Variants in GPHN observed in about 807,000 individuals in gnomAD.
GPHN encodes gephyrin.
Under a neutral mutation model 95.5 loss-of-function variants are expected in GPHN, and 17 were observed. The observed-to-expected ratio is 0.18, with a 90% CI of 0.12 to 0.27. The LOEUF (loss-of-function observed/expected upper bound fraction) is 0.27, where lower values mean the gene tolerates loss of function less well. Ranked by LOEUF, GPHN falls within the 10% of genes least tolerant of loss-of-function variation. The pLI is 1.00. For missense variants in GPHN, 660 were observed against 978.1 expected (o/e 0.67, Z 4.34); for synonymous variants, 320 against 322.5 (o/e 0.99, Z 0.08).
At chr14:66,971,310 G>A (rs1021686623) in intron 9 of GPHN, among the ~76,000 whole-genome samples, 2 of 152,068 alleles carry the variant, frequency 1.3e-5, no homozygotes, top group African/African-American at 2.4e-5. Flanking sequence ...CCTGGGCAAC[G>A]AGAACGAAAC....
chr14:67,450,929 G>C, the GPHN span, among the ~76,000 whole-genome samples: 2 of 152,200 alleles, frequency 1.3e-5, no homozygotes, highest in African/African-American at 4.8e-5. Context: ...CAGGCCCAGA[G>C]GCCTAGGAGG....
chr14:67,215,515 A>C, the GPHN span, among the ~76,000 whole-genome samples: 3 of 150,796 alleles, frequency 2.0e-5, no homozygotes, highest in Non-Finnish European at 4.5e-5. Flanking sequence ...AGATTAAAAA[A>C]CAACAACAAC....
chr14:66,978,932 A>T (rs1201091588), intron 9 of GPHN, among the ~76,000 whole-genome samples: 1 of 152,206 alleles, frequency 6.6e-6, no homozygotes, highest in Non-Finnish European at 1.5e-5. Flanking sequence ...GCATGAAAAC[A>T]TTATCTCCTT....
chr14:67,056,323 A>G (rs1296684908), intron 10 of GPHN, among the ~76,000 whole-genome samples: 2 of 152,066 alleles, frequency 1.3e-5, no homozygotes, highest in African/African-American at 2.4e-5. Context: ...TCCCCACTAG[A>G]TTAGCTAGAC....
At chr14:66,727,899 A>T (rs182991006) in intron 2 of GPHN, among the ~76,000 whole-genome samples, 8 of 152,322 alleles carry the variant, frequency 5.3e-5, no homozygotes, top group African/African-American at 1.9e-4. Context: ...CAATGGGGAA[A>T]ATGTCACCAG....
chr14:67,257,107 G>A, the GPHN span, among the ~76,000 whole-genome samples: 2 of 152,250 alleles, frequency 1.3e-5, no homozygotes, highest in African/African-American at 4.8e-5. Context: ...GGGGCTTTCA[G>A]TTGATAAGAG....
chr14:66,588,160 A>G (rs949099808), intron 1 of GPHN, among the ~76,000 whole-genome samples: 1 of 152,176 alleles, frequency 6.6e-6, no homozygotes, highest in Non-Finnish European at 1.5e-5. Flanking sequence ...GACTGTTAGA[A>G]GGAAAACTAA....
At chr14:67,258,868 GTCTC>G in the GPHN span, among the ~76,000 whole-genome samples, 1 of 151,958 alleles carries the variant, frequency 6.6e-6, no homozygotes, top group Non-Finnish European at 1.5e-5. Context: ...TTGAGATGGA[GTCTC>G]TCTCTGTTTC....
intron 19 of GPHN, among the ~76,000 whole-genome samples, chr14:67,161,589 C>T (rs1031429970): frequency 1.3e-5 from 2 of 151,870 alleles, no homozygotes; most frequent in Non-Finnish European, 2.9e-5. Flanking sequence ...GGCAAAACCC[C>T]GTCTCTACAA....
At chr14:66,846,656 A>G (rs1209119266) in intron 4 of GPHN, among the ~76,000 whole-genome samples, 3 of 152,184 alleles carry the variant, frequency 2.0e-5, no homozygotes, top group Non-Finnish European at 4.4e-5. Flanking sequence ...AGTAACTTAA[A>G]TGTCGATAGG....
chr14:66,784,523 C>A lies in GPHN; in HGVS notation c.201+8002C>A, dbSNP rs148013443. Among the ~76,000 whole-genome samples the A allele has an allele frequency of 5.5e-3, 843 of 152,140 alleles. 8 individuals carry two copies. Among genetic ancestry groups the A allele is most frequent in the Non-Finnish European group, 0.01 (684 of 67,980 alleles). On this transcript the variant is annotated intron_variant, in intron 3 of 22. Transcript: ENST00000478722. ...TGTATTTTCTTATAATTTTTAAAAT[C>A]ACAGTTATACTGTATAATATGGTAT...
At chr14:67,315,158 A>G in the GPHN span, among the ~76,000 whole-genome samples, 1 of 152,076 alleles carries the variant, frequency 6.6e-6, no homozygotes, top group Non-Finnish European at 1.5e-5. Flanking sequence ...TATAGTTCAT[A>G]CTACAAAAAG....
chr14:66,880,156 A>T, intron 5 of GPHN, 123 bp downstream of exon 5: 1 of 709,458 alleles, frequency 1.4e-6, no homozygotes, highest in Admixed American at 2.1e-5. Flanking sequence ...TAAAGTTCTT[A>T]GCTTATACTA....
intron 7 of GPHN, 128 bp from the exon 8 acceptor site, chr14:66,924,066 A>C: frequency 1.5e-6 from 1 of 689,484 alleles, no homozygotes. Context: ...CTGTCATTCT[A>C]CATTTGGAAA....
At chr14:67,630,926 C>G in the GPHN span, among the ~76,000 whole-genome samples, 1 of 152,126 alleles carries the variant, frequency 6.6e-6, no homozygotes, top group Non-Finnish European at 1.5e-5. Context: ...GGTTAATGCT[C>G]CCAGCTAAAA....
chr14:67,136,395 T>C (rs552045642), intron 17 of GPHN, among the ~76,000 whole-genome samples: 1 of 152,336 alleles, frequency 6.6e-6, no homozygotes, highest in East Asian at 1.9e-4. Flanking sequence ...CTGTGCTTCC[T>C]GGACGGTTTT....
chr14:67,459,120 C>T, the GPHN span, among the ~76,000 whole-genome samples: 1 of 152,040 alleles, frequency 6.6e-6, no homozygotes, highest in African/African-American at 2.4e-5. Flanking sequence ...GAACTCCTGA[C>T]CCCATGATTC....
rs138676649 is a variant in GPHN at position 66,997,327 on chromosome 14, A to G, written c.964-26306A>G. Among the ~76,000 whole-genome samples the G allele has an allele frequency of 3.2e-3, 487 of 150,840 alleles. 1 individual carries two copies. Among genetic ancestry groups the G allele is most frequent in the African/African-American group, 0.011 (460 of 41,040 alleles). ...GGTTGCAGTGAGCCAAGATCGTGCA[A>G]TTGCACTCTAGCCTGGGCGATAGAG... On this transcript the variant is annotated intron_variant, in intron 9 of 22. Coordinates refer to ENST00000478722, the MANE Select transcript of GPHN (RefSeq NM_020806.5).
At chr14:67,653,463 C>T in the GPHN span, 1 of 1,614,032 alleles carries the variant, frequency 6.2e-7, no homozygotes, top group Non-Finnish European at 8.5e-7. Flanking sequence ...GGAGAATCTT[C>T]CGACTTTTGC....
Sources: allele counts gnomAD v4.1 joint callset (sites outside exome capture counted in the v4.1 genomes callset), GRCh38; gene constraint gnomAD v4.1.1; transcripts MANE v1.5; gene names NCBI Gene and HGNC (gene_info 2026-07-23, HGNC 2026-07-21).